Variants in B3GLCT observed in about 807,000 individuals in gnomAD.
B3GLCT encodes beta 3-glucosyltransferase.
A neutral mutation model predicts 63.4 loss-of-function variants in B3GLCT; 65 were observed. The ratio of observed to expected loss-of-function variants is 1.03; its 90% CI spans 0.84 to 1.26. The LOEUF (loss-of-function observed/expected upper bound fraction) is 1.26. Ranked by LOEUF, B3GLCT falls within the 50% of genes most tolerant of loss-of-function variation. B3GLCT has a pLI of 0.00. For synonymous variants in B3GLCT, 233 were observed against 219.2 expected (o/e 1.06, Z -0.55); for missense variants, 577 against 604.8 (o/e 0.95, Z 0.48).
chr13:31,206,862 A>G (rs1271370349), intron 1 of B3GLCT, among the ~76,000 whole-genome samples: 1 of 152,216 alleles, frequency 6.6e-6, no homozygotes, highest in Non-Finnish European at 1.5e-5. Context: ...TACTTGGGAA[A>G]GGAACTGGAA....
intron 12 of B3GLCT, among the ~76,000 whole-genome samples, chr13:31,301,522 T>C (rs903253923): frequency 1.3e-5 from 2 of 152,246 alleles, no homozygotes. Context: ...TGTTCAAATA[T>C]GGCAGCTTTC....
intron 6 of B3GLCT, among the ~76,000 whole-genome samples, chr13:31,252,685 A>G (rs1357264120): frequency 1.3e-5 from 2 of 152,214 alleles, no homozygotes; most frequent in Non-Finnish European, 2.9e-5. Flanking sequence ...AAATATATGC[A>G]CTCAATACAG....
intron 1 of B3GLCT, among the ~76,000 whole-genome samples, chr13:31,211,265 C>T (rs1269814813): frequency 1.3e-5 from 2 of 152,010 alleles, no homozygotes; most frequent in Non-Finnish European, 2.9e-5. Flanking sequence ...CATGGTGGCA[C>T]GTGCCTGTAA....
intron 12 of B3GLCT, among the ~76,000 whole-genome samples, chr13:31,299,124 C>A (rs1874100607): frequency 6.6e-6 from 1 of 152,208 alleles, no homozygotes; most frequent in Non-Finnish European, 1.5e-5. Flanking sequence ...CTTCTCCAGA[C>A]CAGCCTTAGA....
intron 12 of B3GLCT, among the ~76,000 whole-genome samples, chr13:31,290,431 A>T (rs1873597075): frequency 6.6e-6 from 1 of 152,210 alleles, no homozygotes; most frequent in Non-Finnish European, 1.5e-5. Flanking sequence ...TCCTTGAGGG[A>T]TCGCCACACT....
chr13:31,314,887 AGGGCTGGTCTTTCCC>A (rs1431879961), intron 12 of B3GLCT, among the ~76,000 whole-genome samples: 3 of 152,178 alleles, frequency 2.0e-5, no homozygotes, highest in African/African-American at 7.2e-5. Context: ...TTGAATCCTG[AGGGCTGGTCTTTCCC>A]GTGCTGTTCT....
At chr13:31,200,188 G>A in intron 1 of B3GLCT, 34 bp downstream of exon 1, 4 of 1,235,130 alleles carry the variant, frequency 3.2e-6, no homozygotes, top group Non-Finnish European at 4.1e-6. Flanking sequence ...GCAAGGGCGA[G>A]GCGTGGGGTT....
chr13:31,244,039 A>C (rs2137799779), intron 4 of B3GLCT, among the ~76,000 whole-genome samples: 1 of 152,360 alleles, frequency 6.6e-6, no homozygotes, highest in Admixed American at 6.5e-5. Context: ...ATGATTAGGC[A>C]TCATTTAGAT....
Position 31,200,027 on chromosome 13 carries a change from C to CTCCCCGCGCGTCTCCCT in B3GLCT, c.-48_-32dup, listed in dbSNP as rs1490646639. Reference sequence around the variant, plus strand: ...CGGCGGCGGCAGCGGCGCAGCTCCGCTCCCCGCGCGTCTCCCTTCCCCGCG... The same window carrying CTCCCCGCGCGTCTCCCT: ...CGGCGGCGGCAGCGGCGCAGCTCCGCTCCCCGCGCGTCTCCCTTCCCCGCGCGTCTCCCTTCCCCGCG... On this transcript the variant is annotated 5_prime_UTR_variant, in exon 1 of 15. Transcript: ENST00000343307. 1.6e-5 allele frequency: 18 copies of CTCCCCGCGCGTCTCCCT among 1,149,818 alleles called. No individual in the cohort carries two copies. The South Asian group carries it at 3.1e-4, about 20-fold the overall frequency. 71.2% of individuals were successfully genotyped at this position (1,149,818 alleles called of 1,614,324 possible).
chr13:31,271,996 C>T (rs559748800), intron 8 of B3GLCT, among the ~76,000 whole-genome samples: 43 of 152,028 alleles, frequency 2.8e-4, no homozygotes, highest in South Asian at 2.7e-3. Flanking sequence ...TGGTTGTTTG[C>T]CTCATAATCG....
intron 6 of B3GLCT, among the ~76,000 whole-genome samples, chr13:31,251,509 A>G (rs1871425772): frequency 6.6e-6 from 1 of 152,238 alleles, no homozygotes; most frequent in African/African-American, 2.4e-5. Context: ...TAACCAGTTT[A>G]GAGAAGAACG....
chr13:31,210,077 A>G (rs934238856), intron 1 of B3GLCT, among the ~76,000 whole-genome samples: 1 of 152,174 alleles, frequency 6.6e-6, no homozygotes, highest in African/African-American at 2.4e-5. Flanking sequence ...CTGGCCTATA[A>G]ATCTTAGTCC....
At chr13:31,282,096 T>C (rs1019492515) in intron 10 of B3GLCT, among the ~76,000 whole-genome samples, 2 of 152,212 alleles carry the variant, frequency 1.3e-5, no homozygotes, top group African/African-American at 4.8e-5. Context: ...TACTTCTTTA[T>C]TGAAAAGGAG....
chr13:31,275,326 A>T (rs1220009090), intron 9 of B3GLCT, among the ~76,000 whole-genome samples: 2 of 152,240 alleles, frequency 1.3e-5, no homozygotes, highest in East Asian at 3.8e-4. Context: ...ATGGCTACAC[A>T]GCTAGTAGGG....
At position 31,329,909 on chromosome 13, in the gene B3GLCT, G is replaced by GTGA; in HGVS notation, c.*245_*247dup. On this transcript the variant is annotated 3_prime_UTR_variant, in exon 15 of 15. Transcript: ENST00000343307. ...ACTTATGCAGTTGTTTTAACACTTA[G>GTGA]TGATGACTGTGTATTCTCCAAGCTG... is the stretch of plus-strand genomic sequence containing the variant. 1 of 519,628 alleles carries GTGA rather than the reference G, an allele frequency of 1.9e-6. No homozygotes were observed. The highest frequency in any genetic ancestry group is 2.1e-5 in the South Asian group (1 of 48,494). The allele number at this position is 519,628 out of a possible 1,614,324, so 32.2% of individuals were successfully genotyped here.
chr13:31,295,736 C>T (rs1396064470), intron 12 of B3GLCT, among the ~76,000 whole-genome samples: 3 of 152,242 alleles, frequency 2.0e-5, no homozygotes. Context: ...GCCAGTGGAT[C>T]TTAGCTTGCT....
At position 31,229,254 on chromosome 13, in the gene B3GLCT, T is replaced by TA. The variant is rs772504695; in HGVS notation, c.238dup (p.Ser80LysfsTer24). On this transcript the variant is annotated frameshift_variant, in exon 4 of 15. Coordinates refer to ENST00000343307, the MANE Select transcript of B3GLCT (RefSeq NM_194318.4). LOFTEE classifies it high-confidence loss of function. ...TTTCATGCAAAGAGAGCAGAGCAGT[T>TA]AAAAAAAAGCATCTTAAAGCAGGCT... is the stretch of plus-strand genomic sequence containing the variant. 2.5e-5 allele frequency: 40 copies of TA among 1,612,462 alleles called. No individual in the cohort carries two copies. Among genetic ancestry groups the TA allele is most frequent in the African/African-American group, 6.7e-5 (5 of 74,914 alleles).
chr13:31,331,722 A>G lies in B3GLCT; in HGVS notation c.*2054A>G, dbSNP rs1216603838. ...ATGTTTATATAAAGTTTATAAAGCCATTGTGTTTTGTTATATAACAAATCA... is the reference window on the plus strand; with the variant it reads ...ATGTTTATATAAAGTTTATAAAGCCGTTGTGTTTTGTTATATAACAAATCA... On this transcript the variant is annotated 3_prime_UTR_variant, in exon 15 of 15. Transcript: ENST00000343307. 6.6e-6 allele frequency: 1 copy of G among 152,230 alleles called. No individual in the cohort carries two copies. Among genetic ancestry groups the G allele is most frequent in the East Asian group, 1.9e-4 (1 of 5,198 alleles). 9.4% of individuals were successfully genotyped at this position (152,230 alleles called of 1,614,324 possible).
intron 14 of B3GLCT, among the ~76,000 whole-genome samples, chr13:31,327,189 G>T (rs181109794): frequency 5.9e-5 from 9 of 152,294 alleles, no homozygotes; most frequent in Admixed American, 5.9e-4. Flanking sequence ...GGCAGAGTAA[G>T]AGATTAACAA....
Sources: allele counts gnomAD v4.1 joint callset (sites outside exome capture counted in the v4.1 genomes callset), GRCh38; gene constraint gnomAD v4.1.1; transcripts MANE v1.5; gene names NCBI Gene and HGNC (gene_info 2026-07-23, HGNC 2026-07-21).